The following TMEM177 variants were observed in gnomAD, a reference collection of about 807,000 sequenced individuals.
TMEM177 encodes the protein transmembrane protein 177.
A neutral mutation model predicts 14.2 loss-of-function variants in TMEM177; 4 were observed. That is an observed-to-expected ratio of 0.28 (90% confidence interval 0.14 to 0.64). TMEM177 has a LOEUF of 0.64. TMEM177 is among the 30% of genes least tolerant of loss of function. The probability of loss-of-function intolerance (pLI) is 0.82; values close to 1 mark genes in which losing one functional copy is unlikely to be tolerated. For missense variants in TMEM177, 344 were observed against 405.2 expected (o/e 0.85, Z 1.30); for synonymous variants, 179 against 174.5 (o/e 1.03, Z -0.20).
Position 119,681,431 on chromosome 2 carries a change from T to A in TMEM177, c.578T>A (p.Leu193His). The A allele has an allele frequency of 6.2e-7, 1 of 1,613,880 alleles. No homozygotes were observed. Among genetic ancestry groups the A allele is most frequent in the East Asian group, 2.2e-5 (1 of 44,876 alleles). Residue 193 changes from leucine to histidine, a missense_variant, in exon 2 of 2, where the codon CTC becomes CAC. By Grantham distance (99) the Leu-to-His change is moderately conservative. Coordinates refer to ENST00000272521, the MANE Select transcript of TMEM177 (RefSeq NM_030577.3). ...LGVGAKYTLG[L>H]HAGPMNLRAA... ...GTGGGTGCCAAGTACACCCTGGGGC[T>A]CCATGCAGGCCCCATGAATTTACGG...
At chr2:119,687,082 A>G (rs143699329), downstream of TMEM177, among the ~76,000 whole-genome samples, 85 of 152,324 alleles carry the variant, frequency 5.6e-4, no homozygotes, top group African/African-American at 1.9e-3. Context: ...TTGAGGGTAT[A>G]TCACCTCAGT....
At chr2:119,692,033 G>A in the TMEM177 span, among the ~76,000 whole-genome samples, 2 of 152,196 alleles carry the variant, frequency 1.3e-5, no homozygotes, top group East Asian at 3.9e-4. Flanking sequence ...AGACCACTCG[G>A]GAGCTGGGCC....
the TMEM177 span, among the ~76,000 whole-genome samples, chr2:119,711,523 A>G: frequency 6.6e-6 from 1 of 152,186 alleles, no homozygotes; most frequent in African/African-American, 2.4e-5. Context: ...CAGGGCAGAA[A>G]CACGCAAGTC....
chr2:119,699,267 C>G, the TMEM177 span, among the ~76,000 whole-genome samples: 1 of 152,136 alleles, frequency 6.6e-6, no homozygotes, highest in Non-Finnish European at 1.5e-5. Context: ...AACAAGATGG[C>G]AGGAAGAGAA....
chr2:119,718,867 C>A, the TMEM177 span, among the ~76,000 whole-genome samples: 3 of 152,254 alleles, frequency 2.0e-5, no homozygotes, highest in African/African-American at 7.2e-5. Flanking sequence ...GGGAAAGCCC[C>A]GATGTTTCCT....
chr2:119,709,493 T>C, the TMEM177 span, among the ~76,000 whole-genome samples: 1 of 152,102 alleles, frequency 6.6e-6, no homozygotes, highest in African/African-American at 2.4e-5. Context: ...CTGGGCAACA[T>C]AGTGAGATCC....
chr2:119,722,672 CTGCATAACTAAA>C, the TMEM177 span, among the ~76,000 whole-genome samples: 2 of 152,314 alleles, frequency 1.3e-5, no homozygotes, highest in South Asian at 4.1e-4. Context: ...CATACAGTAA[CTGCATAACTAAA>C]TGCATAGTAT....
the TMEM177 span, among the ~76,000 whole-genome samples, chr2:119,695,130 T>C: frequency 1.3e-5 from 2 of 152,198 alleles, no homozygotes; most frequent in Admixed American, 1.3e-4. Flanking sequence ...AAATCCTTCA[T>C]TTCTGGGTAG....
chr2:119,685,930 C>T, downstream of TMEM177: 1 of 546,622 alleles, frequency 1.8e-6, no homozygotes, highest in South Asian at 2.4e-5. Context: ...TCCGAGGAGA[C>T]CCCTCCAGCT....
the TMEM177 span, among the ~76,000 whole-genome samples, chr2:119,719,984 G>A: frequency 6.6e-6 from 1 of 151,798 alleles, no homozygotes; most frequent in Non-Finnish European, 1.5e-5. Context: ...TTGTAAAGAT[G>A]GGGGTTTCCC....
At chr2:119,707,928 G>A in the TMEM177 span, among the ~76,000 whole-genome samples, 11 of 152,326 alleles carry the variant, frequency 7.2e-5, no homozygotes, top group East Asian at 7.7e-4. Flanking sequence ...GTCTACCTCG[G>A]GTAGTGTCCC....
chr2:119,712,065 C>T, the TMEM177 span, among the ~76,000 whole-genome samples: 13 of 151,922 alleles, frequency 8.6e-5, no homozygotes, highest in Non-Finnish European at 1.3e-4. Flanking sequence ...GGAGCAGCCA[C>T]GCTCCAGGGC....
rs765664174 is a variant in TMEM177 at position 119,681,302 on chromosome 2, A to T, written c.449A>T (p.Gln150Leu). The change falls in exon 2 of 2, where the codon CAG becomes CTG. Residue 150 changes from glutamine (Q) to leucine (L), a missense_variant. Transcript: ENST00000272521. ...RASLTLSREA[Q>L]KFALAREVVY... The stretch of plus-strand genomic sequence containing the variant: ...TCCCTGACCTTGTCCCGTGAAGCCC[A>T]GAAGTTCGCCTTGGCCAGGGAAGTG... 6.2e-7 allele frequency: 1 copy of T among 1,614,238 alleles called. No individual in the cohort carries two copies. The highest frequency in any genetic ancestry group is 1.1e-5 in the South Asian group (1 of 91,086).
chr2:119,681,297 A>G lies in TMEM177; in HGVS notation c.444A>G (p.Glu148=). 13 of 1,614,252 alleles carry G rather than the reference A, an allele frequency of 8.1e-6. No homozygotes were observed. The highest frequency in any genetic ancestry group is 1.0e-5 in the Non-Finnish European group (12 of 1,180,044). The part of the protein sequence containing the change: ...RLRASLTLSR[E]AQKFALAREV... The stretch of plus-strand genomic sequence containing the variant: ...GAGCTTCCCTGACCTTGTCCCGTGA[A>G]GCCCAGAAGTTCGCCTTGGCCAGGG... Residue 148 remains glutamate, a synonymous_variant, in exon 2 of 2, where the codon GAA becomes GAG. Coordinates refer to ENST00000272521, the MANE Select transcript of TMEM177 (RefSeq NM_030577.3).
chr2:119,700,466 A>G, the TMEM177 span, among the ~76,000 whole-genome samples: 2 of 152,198 alleles, frequency 1.3e-5, no homozygotes, highest in Non-Finnish European at 2.9e-5. Context: ...CCATACGCCA[A>G]ACAGGTACTA....
the TMEM177 span, among the ~76,000 whole-genome samples, chr2:119,693,942 GCCACACACACATGCAACATAC>G: frequency 1.4e-4 from 1 of 6,938 alleles, no homozygotes; most frequent in East Asian, 4.0e-3. Flanking sequence ...CATCACACAA[GCCACACACACATGCAACATAC>G]CACACACAAA....
downstream of TMEM177, among the ~76,000 whole-genome samples, chr2:119,688,050 A>T (rs1216392125): frequency 6.6e-6 from 1 of 152,230 alleles, no homozygotes; most frequent in African/African-American, 2.4e-5. Flanking sequence ...ATACAACAAA[A>T]TGACAATAAT....
At chr2:119,705,443 G>A in the TMEM177 span, among the ~76,000 whole-genome samples, 9 of 152,152 alleles carry the variant, frequency 5.9e-5, no homozygotes, top group East Asian at 1.9e-4. Context: ...AGAATCTGTC[G>A]CCTTACGGTT....
the TMEM177 span, among the ~76,000 whole-genome samples, chr2:119,695,204 G>A: frequency 1.3e-5 from 2 of 152,210 alleles, no homozygotes; most frequent in African/African-American, 4.8e-5. Flanking sequence ...GACAGCCCCG[G>A]AATGTGGACA....
Sources: allele counts gnomAD v4.1 joint callset (sites outside exome capture counted in the v4.1 genomes callset), GRCh38; gene constraint gnomAD v4.1.1; transcripts MANE v1.5; gene names NCBI Gene and HGNC (gene_info 2026-07-23, HGNC 2026-07-21).